NSUN6: variants seen among roughly 807,000 people sequenced by gnomAD.
The protein encoded by NSUN6 is NOP2/Sun RNA methyltransferase 6, also known as tRNA (cytosine(72)-C(5))-methyltransferase NSUN6.
In NSUN6, 64 loss-of-function variants were observed where a neutral mutation model predicts 58.0. That is an observed-to-expected ratio of 1.10 (90% CI 0.90 to 1.36). NSUN6 has a LOEUF of 1.36. Ranked by LOEUF, NSUN6 falls within the 40% of genes most tolerant of loss-of-function variation. The pLI, the probability that NSUN6 is intolerant of heterozygous loss-of-function variation, is 0.00. For synonymous variants in NSUN6, 231 were observed against 193.9 expected (o/e 1.19, Z -1.59); for missense variants, 701 against 550.1 (o/e 1.27, Z -2.74).
chr10:18,548,135 GA>G lies in NSUN6; in HGVS notation c.1173del (p.Pro392LeufsTer17). 6.2e-7 allele frequency: 1 copy of G among 1,613,862 alleles called. No individual in the cohort carries two copies. The highest frequency in any genetic ancestry group is 8.5e-7 in the Non-Finnish European group (1 of 1,179,926). ...ACCTGGGGCTGAAGCTGAAGGCAAGGAAATTTTGTCAGGGCCCAGGCAACCT... is the reference window on the plus strand; with the variant it reads ...ACCTGGGGCTGAAGCTGAAGGCAAGGAATTTTGTCAGGGCCCAGGCAACCT... ...EEQVAWALTK[F>X]PCLQLQPQEP... is the part of the protein sequence containing the mutation. On this transcript the variant is annotated frameshift_variant, in exon 10 of 11. Transcript: ENST00000377304. LOFTEE classifies it high-confidence loss of function.
In NSUN6 at chr10:18,585,316, A is replaced by G. The variant is rs187687950; in HGVS notation, c.922+633T>C. The stretch of plus-strand genomic sequence containing the variant: ...ACCCAGCAATCCTACTACTGGGTAT[A>G]TAGACAAAGGAATTGAAATCAGCAG... On this transcript the variant is annotated intron_variant, in intron 8 of 10. Coordinates refer to ENST00000377304, the MANE Select transcript of NSUN6 (RefSeq NM_182543.5). 7.2e-5 allele frequency among the ~76,000 whole-genome samples: 11 copies of G among 152,334 alleles called. No homozygotes were observed. The East Asian group carries it at 2.1e-3, about 29-fold the overall frequency.
At chr10:18,605,195 TA>T (rs542428234) in intron 6 of NSUN6, among the ~76,000 whole-genome samples, 3,896 of 137,572 alleles carry the variant, frequency 0.028, 111 homozygotes, top group African/African-American at 0.078. Flanking sequence ...GAGACTCCCT[TA>T]AAAAAAAAAA....
At chr10:18,599,558 AG>A (rs1475109671) in intron 6 of NSUN6, among the ~76,000 whole-genome samples, 1 of 152,156 alleles carries the variant, frequency 6.6e-6, no homozygotes, top group Non-Finnish European at 1.5e-5. Context: ...AAATCACCCT[AG>A]GTGATTCTAG....
chr10:18,620,241 C>G (rs1206938911), intron 3 of NSUN6, among the ~76,000 whole-genome samples: 1 of 152,070 alleles, frequency 6.6e-6, no homozygotes, highest in Non-Finnish European at 1.5e-5. Context: ...GCACCCGCCA[C>G]CATACCCGGC....
At chr10:18,560,284 TATGGAATGGAGAATGGAATAGAATGGATA>T (rs2055395119) in intron 8 of NSUN6, among the ~76,000 whole-genome samples, 1 of 145,970 alleles carries the variant, frequency 6.9e-6, no homozygotes, top group African/African-American at 2.5e-5. Context: ...TAGAGAATGG[TATGGAATGGAGAATGGAATAGAATGGATA>T]ATGGAATGGA....
rs1173591835 is a variant in NSUN6 at position 18,651,307 on chromosome 10, G to A, written c.-104C>T. On this transcript the variant is annotated 5_prime_UTR_variant, in exon 1 of 11. Coordinates refer to ENST00000377304, the MANE Select transcript of NSUN6 (RefSeq NM_182543.5). ...AGTGACGAGTGTCTTGACACCAGAT[G>A]CTGAGGAAAATCTTGCCGATCACGC... 4 of 1,425,078 alleles carry A rather than the reference G, an allele frequency of 2.8e-6. No individual in the cohort carries two copies. Among genetic ancestry groups the A allele is most frequent in the East Asian group, 2.7e-5 (1 of 37,700 alleles). 88.3% of individuals were successfully genotyped at this position (1,425,078 alleles called of 1,614,324 possible). A position where few individuals can be genotyped will look rare whatever the true frequency, so the allele number is the denominator to read the frequency against.
At chr10:18,638,835 C>T (rs889026107) in intron 3 of NSUN6, among the ~76,000 whole-genome samples, 2 of 149,742 alleles carry the variant, frequency 1.3e-5, no homozygotes, top group African/African-American at 4.9e-5. Flanking sequence ...TCACCAACAA[C>T]GACATTAATA....
At chr10:18,646,980 G>C (rs1344962787) in intron 2 of NSUN6, among the ~76,000 whole-genome samples, 2 of 152,106 alleles carry the variant, frequency 1.3e-5, no homozygotes, top group African/African-American at 4.8e-5. Context: ...TTTTATACCT[G>C]TCATTACTCT....
intron 2 of NSUN6, among the ~76,000 whole-genome samples, chr10:18,645,066 G>A (rs1379721174): frequency 1.3e-5 from 2 of 148,906 alleles, no homozygotes; most frequent in Non-Finnish European, 1.5e-5. Context: ...GCTGAGGCAG[G>A]AGAATTGCTT....
chr10:18,614,372 A>C lies in NSUN6; in HGVS notation c.575+88T>G, dbSNP rs149934115. ...TATACCAAAAAAAAAAATTTCATATAATGCAACTAGATACATTTTACATTA... is the reference window on the plus strand; with the variant it reads ...TATACCAAAAAAAAAAATTTCATATCATGCAACTAGATACATTTTACATTA... On this transcript the variant is annotated intron_variant, in intron 5 of 10. Coordinates refer to ENST00000377304, the MANE Select transcript of NSUN6 (RefSeq NM_182543.5). The C allele has an allele frequency of 1.1e-3, 828 of 770,368 alleles. 8 individuals are homozygous for C. In the African/African-American group the frequency reaches 0.012, roughly 12 times the overall value. 47.7% of individuals were successfully genotyped at this position (770,368 alleles called of 1,614,324 possible). A position where few individuals can be genotyped will look rare whatever the true frequency, so the allele number is the denominator to read the frequency against.
intron 7 of NSUN6, among the ~76,000 whole-genome samples, chr10:18,591,715 T>A (rs1321512702): frequency 6.6e-6 from 1 of 152,162 alleles, no homozygotes; most frequent in Admixed American, 6.5e-5. Context: ...TGATGGAACA[T>A]CTCAAAATAA....
chr10:18,554,917 C>A (rs911008884), intron 8 of NSUN6, among the ~76,000 whole-genome samples: 3 of 132,268 alleles, frequency 2.3e-5, no homozygotes, highest in Non-Finnish European at 3.2e-5. Flanking sequence ...ATGGAAGAAA[C>A]GGAATGGAAT....
chr10:18,612,019 G>T (rs1372793831), intron 5 of NSUN6, among the ~76,000 whole-genome samples: 1 of 152,138 alleles, frequency 6.6e-6, no homozygotes, highest in East Asian at 1.9e-4. Context: ...TGCTGCTCCA[G>T]TCAGGACCAA....
intron 8 of NSUN6, among the ~76,000 whole-genome samples, chr10:18,585,243 T>C (rs769687978): frequency 1.3e-5 from 2 of 152,186 alleles, no homozygotes; most frequent in Non-Finnish European, 2.9e-5. Context: ...ACAGCCATTA[T>C]GTAAAATGGT....
chr10:18,600,974 A>AG (rs1735700476), intron 6 of NSUN6, among the ~76,000 whole-genome samples: 3 of 98,496 alleles, frequency 3.0e-5, no homozygotes, highest in Middle Eastern at 4.1e-3. Flanking sequence ...ATATATATAT[A>AG]TATGTATATA....
chr10:18,616,223 C>A lies in NSUN6; in HGVS notation c.382G>T (p.Ala128Ser). The change falls in exon 4 of 11, where the codon GCC becomes TCC. Residue 128 changes from alanine to serine, a missense_variant. By Grantham distance (99) the Ala-to-Ser change is moderately conservative. Transcript: ENST00000377304. ...ACAATTCCTGGGGCATAGACATGGG[C>A]TCCTCTTAAAACTGCATTGCCACAC... ...AQCGNAVLRG[A>S]HVYAPGIVSA... 6.2e-7 allele frequency: 1 copy of A among 1,606,134 alleles called. No individual in the cohort carries two copies. Among genetic ancestry groups the A allele is most frequent in the Non-Finnish European group, 8.5e-7 (1 of 1,172,776 alleles).
At chr10:18,566,960 TATTCCATTCTCC>T (rs1273347267) in intron 8 of NSUN6, among the ~76,000 whole-genome samples, 2 of 150,304 alleles carry the variant, frequency 1.3e-5, no homozygotes, top group African/African-American at 2.4e-5. Context: ...TATTTCATTC[TATTCCATTCTCC>T]ATTCCATTCT....
At chr10:18,562,609 G>C (rs563471683) in intron 8 of NSUN6, among the ~76,000 whole-genome samples, 1 of 149,792 alleles carries the variant, frequency 6.7e-6, no homozygotes, top group South Asian at 2.1e-4. Flanking sequence ...ATGGGGAATG[G>C]TATGGAATGA....
At chr10:18,595,431 G>A (rs115399515) in intron 7 of NSUN6, among the ~76,000 whole-genome samples, 66 of 152,254 alleles carry the variant, frequency 4.3e-4, no homozygotes, top group African/African-American at 1.4e-3. Context: ...TCTCAAAGCC[G>A]ATCATGATCA....
Sources: gnomAD v4.1 joint callset for allele counts (sites outside exome capture counted in the v4.1 genomes callset) on GRCh38, gnomAD v4.1.1 for gene constraint, MANE v1.5 for transcripts, NCBI Gene and HGNC (gene_info 2026-07-23, HGNC 2026-07-21) for gene names.